Variants in RRAGD observed in about 807,000 individuals in gnomAD.
RRAGD encodes the protein Ras related GTP binding D, also known as ras-related GTP-binding protein D.
Under a neutral mutation model 35.5 loss-of-function variants are expected in RRAGD, and 12 were observed. That is an observed-to-expected ratio of 0.34 (90% CI 0.22 to 0.55). RRAGD has a LOEUF of 0.55. Ranked by LOEUF, RRAGD falls within the 20% of genes least tolerant of loss-of-function variation. The pLI is 0.91. For missense variants in RRAGD, 324 were observed against 490.1 expected (o/e 0.66, Z 3.20); for synonymous variants, 155 against 178.9 (o/e 0.87, Z 1.07).
intron 1 of RRAGD, among the ~76,000 whole-genome samples, chr6:89,399,508 A>G (rs1447950121): frequency 6.6e-6 from 1 of 152,216 alleles, no homozygotes; most frequent in Non-Finnish European, 1.5e-5. Context: ...ACAATGGCTC[A>G]TGCCTATAAT....
At chr6:89,393,409 G>A (rs1424274616) in intron 1 of RRAGD, among the ~76,000 whole-genome samples, 3 of 152,174 alleles carry the variant, frequency 2.0e-5, no homozygotes, top group Non-Finnish European at 2.9e-5. Context: ...CAGCCAAGCA[G>A]ATAAACTCTG....
chr6:89,368,374 T>C (rs1768794213), intron 6 of RRAGD, among the ~76,000 whole-genome samples, 167 bp from the exon 7 acceptor site: 1 of 152,234 alleles, frequency 6.6e-6, no homozygotes, highest in African/African-American at 2.4e-5. Context: ...GAAATTGCTA[T>C]AAATCTTTAG....
intron 6 of RRAGD, among the ~76,000 whole-genome samples, chr6:89,371,465 AGT>A (rs1768853855): frequency 6.6e-6 from 1 of 152,110 alleles, no homozygotes; most frequent in Admixed American, 6.6e-5. Context: ...CTCCAGCCTA[AGT>A]AACAGAGCGA....
In RRAGD at chr6:89,368,068, T is replaced by C. The variant is rs766331808; in HGVS notation, c.1191A>G (p.Arg397=). 9.3e-6 allele frequency: 15 copies of C among 1,612,246 alleles called. No homozygotes were observed. The South Asian group carries it at 1.7e-4, about 18-fold the overall frequency. ...CCTGAAACCTCACCTACAGCAGCAC[T>C]CTAGGGGTCCCATTAGGGGTGGCTC... ...KKRATPNGTP[R]VLL Residue 397 remains arginine (R), a synonymous_variant, in exon 7 of 7, where the codon AGA becomes AGG. Coordinates refer to ENST00000369415, the MANE Select transcript of RRAGD (RefSeq NM_021244.5).
intron 2 of RRAGD, among the ~76,000 whole-genome samples, chr6:89,381,068 G>A (rs960980906): frequency 2.6e-5 from 4 of 152,186 alleles, no homozygotes; most frequent in Non-Finnish European, 5.9e-5. Context: ...CAGGCCACTG[G>A]GCGGGTGGGG....
chr6:89,374,133 T>C (rs765184119), intron 5 of RRAGD, among the ~76,000 whole-genome samples: 2 of 152,218 alleles, frequency 1.3e-5, no homozygotes, highest in Non-Finnish European at 2.9e-5. Flanking sequence ...CTATGTGATA[T>C]TAACCATTCT....
intron 1 of RRAGD, among the ~76,000 whole-genome samples, chr6:89,407,042 C>A (rs1204143477): frequency 6.6e-6 from 1 of 152,202 alleles, no homozygotes; most frequent in Admixed American, 6.5e-5. Context: ...GAAAGGTATT[C>A]TTACAAACTT....
At chr6:89,405,557 C>A (rs114520059) in intron 1 of RRAGD, among the ~76,000 whole-genome samples, 293 of 152,046 alleles carry the variant, frequency 1.9e-3, no homozygotes, top group African/African-American at 6.8e-3. Context: ...CGGACACACA[C>A]ACAGGCACAC....
chr6:89,376,699 T>C (rs1768954065), intron 5 of RRAGD, among the ~76,000 whole-genome samples: 1 of 151,022 alleles, frequency 6.6e-6, no homozygotes, highest in South Asian at 2.1e-4. Context: ...ATTAAGTGTA[T>C]AGGAAGCTCT....
intron 1 of RRAGD, among the ~76,000 whole-genome samples, chr6:89,396,404 G>GAAAAC (rs3047876): frequency 0.69 from 103,830 of 151,406 alleles, 36,858 homozygotes; most frequent in African/African-American, 0.88. Context: ...TTATTAATAA[G>GAAAAC]AAATGACTCA....
At chr6:89,395,453 T>C (rs1422733356) in intron 1 of RRAGD, among the ~76,000 whole-genome samples, 1 of 152,024 alleles carries the variant, frequency 6.6e-6, no homozygotes, top group Non-Finnish European at 1.5e-5. Context: ...TCAATGAAAA[T>C]AAGTAAATAA....
At chr6:89,400,178 T>C (rs1049418482) in intron 1 of RRAGD, among the ~76,000 whole-genome samples, 1 of 152,140 alleles carries the variant, frequency 6.6e-6, no homozygotes, top group African/African-American at 2.4e-5. Context: ...TTCAAATCCT[T>C]AAGTCAGAAC....
At chr6:89,388,287 T>C (rs1385201503) in intron 1 of RRAGD, among the ~76,000 whole-genome samples, 2 of 152,170 alleles carry the variant, frequency 1.3e-5, no homozygotes, top group Admixed American at 6.5e-5. Context: ...ATGATGTTTC[T>C]AGAGAAGCCA....
At chr6:89,385,829 G>A (rs771250892) in intron 2 of RRAGD, among the ~76,000 whole-genome samples, 4 of 152,114 alleles carry the variant, frequency 2.6e-5, no homozygotes, top group Non-Finnish European at 5.9e-5. Context: ...GGAACTGAGA[G>A]GCTTAGTTGA....
intron 1 of RRAGD, among the ~76,000 whole-genome samples, chr6:89,403,795 C>T (rs112746111): frequency 6.6e-6 from 1 of 151,778 alleles, no homozygotes; most frequent in Non-Finnish European, 1.5e-5. Context: ...CCACCTCCAC[C>T]ACACCTAGCT....
chr6:89,378,964 A>C (rs776626287), intron 4 of RRAGD, among the ~76,000 whole-genome samples: 27 of 152,156 alleles, frequency 1.8e-4, no homozygotes, highest in Non-Finnish European at 5.9e-5. Flanking sequence ...GGATCTCACT[A>C]TGTTACCTAA....
chr6:89,373,414 C>A (rs1047822116), intron 5 of RRAGD, among the ~76,000 whole-genome samples: 14 of 152,064 alleles, frequency 9.2e-5, no homozygotes, highest in Non-Finnish European at 1.8e-4. Flanking sequence ...GAGTTCAAGA[C>A]CAGCCTGGCC....
chr6:89,367,836 G>C lies in RRAGD; in HGVS notation c.*220C>G. On this transcript the variant is annotated 3_prime_UTR_variant, in exon 7 of 7. Transcript: ENST00000369415. ...AAAGTTTACATTTGTGTAATGAAAT[G>C]ACAATGGATTTCACATCACTGTTAA... 1 of 390,630 alleles carries C rather than the reference G, an allele frequency of 2.6e-6. No homozygotes were observed. Among genetic ancestry groups the C allele is most frequent in the Non-Finnish European group, 4.5e-6 (1 of 221,608 alleles). 24.2% of individuals were successfully genotyped at this position (390,630 alleles called of 1,614,324 possible).
intron 1 of RRAGD, among the ~76,000 whole-genome samples, chr6:89,389,114 C>T (rs576621769): frequency 2.0e-5 from 3 of 152,074 alleles, no homozygotes; most frequent in Non-Finnish European, 2.9e-5. Context: ...AGGTCTGTGG[C>T]CCGGGGTTTG....
Sources: allele counts gnomAD v4.1 joint callset (sites outside exome capture counted in the v4.1 genomes callset), GRCh38; gene constraint gnomAD v4.1.1; transcripts MANE v1.5; gene names NCBI Gene and HGNC (gene_info 2026-07-23, HGNC 2026-07-21).